The following FHIT variants were observed in gnomAD, a reference collection of about 807,000 sequenced individuals.
The protein encoded by FHIT is fragile histidine triad diadenosine triphosphatase.
Under a neutral mutation model 17.9 loss-of-function variants are expected in FHIT, and 19 were observed. The ratio of observed to expected loss-of-function variants is 1.06; its 90% CI spans 0.74 to 1.56. FHIT has a LOEUF of 1.56. Ranked by LOEUF, FHIT falls within the 40% of genes most tolerant of loss-of-function variation. The probability of loss-of-function intolerance (pLI) is 0.00; values close to 1 mark genes in which losing one functional copy is unlikely to be tolerated. For missense variants in FHIT, 248 were observed against 189.2 expected (o/e 1.31, Z -1.82); for synonymous variants, 81 against 69.7 (o/e 1.16, Z -0.81).
chr3:59,850,727 T>G (rs761854860), intron 8 of FHIT, among the ~76,000 whole-genome samples: 1 of 152,188 alleles, frequency 6.6e-6, no homozygotes, highest in Non-Finnish European at 1.5e-5. Flanking sequence ...GAACAATGAC[T>G]GAAGGACTCA....
chr3:61,022,636 C>G (rs1437852698), intron 3 of FHIT, among the ~76,000 whole-genome samples: 1 of 152,206 alleles, frequency 6.6e-6, no homozygotes, highest in African/African-American at 2.4e-5. Context: ...CATCAAAAAG[C>G]TTATCCACCA....
At chr3:59,875,860 G>A (rs1373388472) in intron 8 of FHIT, among the ~76,000 whole-genome samples, 2 of 151,126 alleles carry the variant, frequency 1.3e-5, no homozygotes, top group Admixed American at 6.6e-5. Flanking sequence ...TCAGCCATGA[G>A]TAACATCATT....
At chr3:60,770,057 A>C (rs1216312503) in intron 4 of FHIT, among the ~76,000 whole-genome samples, 1 of 152,174 alleles carries the variant, frequency 6.6e-6, no homozygotes, top group African/African-American at 2.4e-5. Context: ...TCAGCAATGG[A>C]GGCCATGAAG....
At chr3:60,558,470 GC>G (rs2036819830) in intron 4 of FHIT, among the ~76,000 whole-genome samples, 1 of 151,896 alleles carries the variant, frequency 6.6e-6, no homozygotes, top group South Asian at 2.1e-4. Flanking sequence ...GTTTGAGTAT[GC>G]CATTGGCCTG....
At chr3:60,737,214 A>G (rs1385439671) in intron 4 of FHIT, among the ~76,000 whole-genome samples, 1 of 152,206 alleles carries the variant, frequency 6.6e-6, no homozygotes, top group African/African-American at 2.4e-5. Context: ...CTCCTTGTTA[A>G]TAAACTACAT....
At chr3:60,588,785 G>T (rs2037987984) in intron 4 of FHIT, among the ~76,000 whole-genome samples, 1 of 151,982 alleles carries the variant, frequency 6.6e-6, no homozygotes, top group Non-Finnish European at 1.5e-5. Flanking sequence ...AAAGTGTTGG[G>T]ATTACAGGTG....
intron 8 of FHIT, among the ~76,000 whole-genome samples, chr3:59,838,853 G>C (rs922380438): frequency 6.6e-6 from 1 of 152,114 alleles, no homozygotes; most frequent in Non-Finnish European, 1.5e-5. Flanking sequence ...CTTTGAAGGC[G>C]GAAGTAGGAA....
chr3:59,848,338 T>A (rs1342642077), intron 8 of FHIT, among the ~76,000 whole-genome samples: 2 of 151,926 alleles, frequency 1.3e-5, no homozygotes, highest in African/African-American at 4.9e-5. Flanking sequence ...GCAATTGTTA[T>A]CTATGTGGAA....
chr3:61,149,881 T>C (rs1320161763), intron 2 of FHIT, among the ~76,000 whole-genome samples: 3 of 151,974 alleles, frequency 2.0e-5, no homozygotes, highest in Non-Finnish European at 2.9e-5. Context: ...AAAATGTATA[T>C]ATAAAAAAAT....
chr3:60,355,466 GCTTT>G (rs1315565030), intron 5 of FHIT, among the ~76,000 whole-genome samples: 1 of 151,182 alleles, frequency 6.6e-6, no homozygotes, highest in Non-Finnish European at 1.5e-5. Flanking sequence ...TAAACAGATG[GCTTT>G]ATTTGAGAAA....
At chr3:60,076,164 G>A (rs575493050) in intron 5 of FHIT, among the ~76,000 whole-genome samples, 1 of 152,146 alleles carries the variant, frequency 6.6e-6, no homozygotes, top group East Asian at 1.9e-4. Context: ...TGGAAATGAA[G>A]ACCTTTTACA....
At chr3:59,980,034 A>C (rs1368189971) in intron 7 of FHIT, among the ~76,000 whole-genome samples, 1 of 152,138 alleles carries the variant, frequency 6.6e-6, no homozygotes, top group Non-Finnish European at 1.5e-5. Context: ...TAATTTAACA[A>C]ATTTGAATCT....
intron 4 of FHIT, among the ~76,000 whole-genome samples, chr3:60,662,755 G>T (rs369952269): frequency 3.3e-5 from 5 of 151,908 alleles, no homozygotes; most frequent in Non-Finnish European, 7.4e-5. Flanking sequence ...CCTTGTAGTG[G>T]TCTTTCACCT....
chr3:59,960,805 A>C (rs999266273), intron 7 of FHIT, among the ~76,000 whole-genome samples: 1 of 152,134 alleles, frequency 6.6e-6, no homozygotes, highest in Non-Finnish European at 1.5e-5. Flanking sequence ...TATTTTGCAT[A>C]TCTGTTTTAT....
chr3:60,911,879 C>G (rs1045714333), intron 3 of FHIT, among the ~76,000 whole-genome samples: 17 of 152,054 alleles, frequency 1.1e-4, no homozygotes, highest in Non-Finnish European at 2.2e-4. Flanking sequence ...AAACAAGAAA[C>G]TATAGAGGTT....
intron 5 of FHIT, among the ~76,000 whole-genome samples, chr3:60,506,372 TTATCA>T (rs2034730162): frequency 6.6e-6 from 1 of 152,148 alleles, no homozygotes; most frequent in Non-Finnish European, 1.5e-5. Context: ...GAGAAATTAT[TTATCA>T]TATATTATCT....
intron 5 of FHIT, among the ~76,000 whole-genome samples, chr3:60,121,753 C>T (rs1705268244): frequency 6.6e-6 from 1 of 151,300 alleles, no homozygotes; most frequent in Admixed American, 6.6e-5. Context: ...CACATTAGCC[C>T]TGTGCCTAAT....
At chr3:60,221,200 T>C (rs1255855458) in intron 5 of FHIT, among the ~76,000 whole-genome samples, 2 of 152,204 alleles carry the variant, frequency 1.3e-5, no homozygotes, top group Admixed American at 6.5e-5. Flanking sequence ...CTGCTATGTC[T>C]AGTTTTCTTC....
chr3:60,251,282 T>A (rs1705698466), intron 5 of FHIT, among the ~76,000 whole-genome samples: 1 of 152,184 alleles, frequency 6.6e-6, no homozygotes, highest in East Asian at 1.9e-4. Flanking sequence ...TCATGTTGAT[T>A]TTATGGAATG....
Sources: allele counts gnomAD v4.1 joint callset (sites outside exome capture counted in the v4.1 genomes callset), GRCh38; gene constraint gnomAD v4.1.1; transcripts MANE v1.5; gene names NCBI Gene and HGNC (gene_info 2026-07-23, HGNC 2026-07-21).